Variants in GTF2E1 observed in about 807,000 individuals in gnomAD.
The protein encoded by GTF2E1 is TFIIE alpha subunit.
GTF2E1 carries 14 observed loss-of-function variants against 34.9 expected under a neutral mutation model. The observed-to-expected ratio is 0.40, with a 90% confidence interval of 0.27 to 0.63. The LOEUF is 0.63. GTF2E1 is among the 20% of genes least tolerant of loss of function. The pLI, the probability that GTF2E1 is intolerant of heterozygous loss-of-function variation, is 0.39. For missense variants in GTF2E1, 469 were observed against 557.7 expected (o/e 0.84, Z 1.60); for synonymous variants, 188 against 192.9 (o/e 0.97, Z 0.21).
chr3:120,762,190 G>A (rs1488885863), intron 2 of GTF2E1, among the ~76,000 whole-genome samples: 2 of 152,204 alleles, frequency 1.3e-5, no homozygotes, highest in African/African-American at 4.8e-5. Flanking sequence ...TGTATATTCT[G>A]TTGATTTGGG....
intron 3 of GTF2E1, among the ~76,000 whole-genome samples, chr3:120,772,856 T>C (rs1245918915): frequency 6.6e-6 from 1 of 152,148 alleles, no homozygotes; most frequent in Admixed American, 6.6e-5. Flanking sequence ...AGGATCTTTA[T>C]TTCCATATCC....
chr3:120,761,670 C>T (rs1295823397), intron 2 of GTF2E1, among the ~76,000 whole-genome samples: 2 of 151,962 alleles, frequency 1.3e-5, no homozygotes, highest in Non-Finnish European at 2.9e-5. Flanking sequence ...GCCTTCATTT[C>T]ATTATTTACC....
At chr3:120,747,544 C>T (rs1400767215) in intron 1 of GTF2E1, among the ~76,000 whole-genome samples, 1 of 152,098 alleles carries the variant, frequency 6.6e-6, no homozygotes, top group African/African-American at 2.4e-5. Flanking sequence ...TGATGGTTTC[C>T]AATTTCATCC....
chr3:120,778,419 A>T (rs903998428), intron 4 of GTF2E1, among the ~76,000 whole-genome samples: 8 of 152,156 alleles, frequency 5.3e-5, no homozygotes, highest in Admixed American at 4.6e-4. Flanking sequence ...TTAACACTTG[A>T]TTTTCCTCAA....
At chr3:120,774,873 C>T (rs554189909) in intron 3 of GTF2E1, among the ~76,000 whole-genome samples, 32 of 152,154 alleles carry the variant, frequency 2.1e-4, no homozygotes, top group Non-Finnish European at 4.3e-4. Flanking sequence ...AAACGCAGTA[C>T]CTGGAAGGCA....
At chr3:120,776,286 G>A in intron 3 of GTF2E1, 137 bp from the exon 4 acceptor site, 1 of 743,502 alleles carries the variant, frequency 1.3e-6, no homozygotes, top group Middle Eastern at 2.8e-4. Context: ...TCTTGGAATT[G>A]TTAAAGCATG....
chr3:120,748,337 C>A (rs561959396), intron 1 of GTF2E1, among the ~76,000 whole-genome samples: 1 of 152,016 alleles, frequency 6.6e-6, no homozygotes, highest in Non-Finnish European at 1.5e-5. Context: ...TGCCTATGTC[C>A]TGAATGGTAA....
intron 2 of GTF2E1, among the ~76,000 whole-genome samples, chr3:120,756,074 G>A (rs1709206337): frequency 1.3e-5 from 2 of 152,140 alleles, no homozygotes; most frequent in South Asian, 2.1e-4. Flanking sequence ...CACAAACATG[G>A]GAATGCAGAT....
At chr3:120,767,282 A>G (rs920998376) in intron 2 of GTF2E1, among the ~76,000 whole-genome samples, 1 of 152,152 alleles carries the variant, frequency 6.6e-6, no homozygotes, top group Non-Finnish European at 1.5e-5. Context: ...TTATATAACG[A>G]GCAGCCTTGC....
intron 2 of GTF2E1, among the ~76,000 whole-genome samples, chr3:120,760,850 C>T (rs114301488): frequency 0.03 from 4,597 of 152,170 alleles, 96 homozygotes; most frequent in Non-Finnish European, 0.051. Context: ...AGGATTTTCA[C>T]GTCGATGTTC....
intron 3 of GTF2E1, 131 bp downstream of exon 3, chr3:120,771,060 A>C: frequency 1.3e-6 from 1 of 754,562 alleles, no homozygotes; most frequent in South Asian, 1.6e-5. Flanking sequence ...GTAGGTTCTC[A>C]GTTGTGCCAC....
At chr3:120,775,460 AC>A (rs1428143294) in intron 3 of GTF2E1, among the ~76,000 whole-genome samples, 1 of 152,176 alleles carries the variant, frequency 6.6e-6, no homozygotes, top group Non-Finnish European at 1.5e-5. Context: ...GGAGAAGCAT[AC>A]GTAGAAGTTG....
chr3:120,778,435 A>G (rs1709419147), intron 4 of GTF2E1, among the ~76,000 whole-genome samples: 1 of 152,196 alleles, frequency 6.6e-6, no homozygotes, highest in African/African-American at 2.4e-5. Flanking sequence ...CTCAAACTTC[A>G]AGTCATGTTG....
chr3:120,755,776 A>G (rs1709202984), intron 2 of GTF2E1, among the ~76,000 whole-genome samples: 1 of 151,934 alleles, frequency 6.6e-6, no homozygotes, highest in South Asian at 2.1e-4. Context: ...TACCATTTCT[A>G]CCCTCTGCTA....
chr3:120,773,493 G>A (rs538892757), intron 3 of GTF2E1, among the ~76,000 whole-genome samples: 2 of 152,188 alleles, frequency 1.3e-5, no homozygotes, highest in African/African-American at 4.8e-5. Flanking sequence ...TACCTCTGCA[G>A]AACTGTCAGT....
intron 2 of GTF2E1, among the ~76,000 whole-genome samples, chr3:120,764,991 GT>G (rs111594276): frequency 0.044 from 6,373 of 143,474 alleles, 436 homozygotes; most frequent in African/African-American, 0.15. Context: ...GAGCATTACT[GT>G]TTTTTTTTTT....
chr3:120,759,638 A>G lies in GTF2E1; in HGVS notation c.448+8638A>G, dbSNP rs1260735270. Among the ~76,000 whole-genome samples, 5 of 152,158 alleles carry G rather than the reference A, an allele frequency of 3.3e-5. No individual in the cohort carries two copies. The East Asian group carries it at 5.8e-4, about 18-fold the overall frequency. On this transcript the variant is annotated intron_variant, in intron 2 of 4. Transcript: ENST00000283875. ...GTATAAGGTGTAAGGAAGGGATTCA[A>G]TTTCAGCTTTCTACATAGGGCTAGC...
At chr3:120,758,633 CGTT>C (rs1259356085) in intron 2 of GTF2E1, among the ~76,000 whole-genome samples, 2 of 151,832 alleles carry the variant, frequency 1.3e-5, no homozygotes, top group African/African-American at 4.8e-5. Flanking sequence ...CATGTGTTCT[CGTT>C]GTTAAACTCC....
At chr3:120,747,407 C>G (rs1000161894) in intron 1 of GTF2E1, among the ~76,000 whole-genome samples, 1 of 152,110 alleles carries the variant, frequency 6.6e-6, no homozygotes. Flanking sequence ...CTCCCTCCTC[C>G]CCACAATAGG....
Sources: allele counts gnomAD v4.1 joint callset (sites outside exome capture counted in the v4.1 genomes callset), GRCh38; gene constraint gnomAD v4.1.1; transcripts MANE v1.5; gene names NCBI Gene and HGNC (gene_info 2026-07-23, HGNC 2026-07-21).